The following RANBP17 variants were observed in gnomAD, a reference collection of about 807,000 sequenced individuals.
The protein encoded by RANBP17 is ran-binding protein 17.
In RANBP17, 158 loss-of-function variants were observed where a neutral mutation model predicts 141.2. That is an observed-to-expected ratio of 1.12 (90% CI 0.98 to 1.28). RANBP17 has a LOEUF of 1.28. Among genes scored for constraint, RANBP17 ranks in the 50% most tolerant of loss-of-function variants. The pLI, the probability that RANBP17 is intolerant of heterozygous loss-of-function variation, is 0.00. For missense variants in RANBP17, 1,438 were observed against 1,290.7 expected (o/e 1.11, Z -1.75); for synonymous variants, 430 against 450.0 (o/e 0.96, Z 0.56).
chr5:171,266,409 ATGTT>A (rs1227213381), intron 25 of RANBP17, among the ~76,000 whole-genome samples: 13 of 152,204 alleles, frequency 8.5e-5, no homozygotes, highest in African/African-American at 2.9e-4. Context: ...TTTCTAGTGT[ATGTT>A]CTAACTAGCT....
At chr5:171,134,534 A>G (rs1757140079) in intron 14 of RANBP17, among the ~76,000 whole-genome samples, 1 of 152,224 alleles carries the variant, frequency 6.6e-6, no homozygotes, top group African/African-American at 2.4e-5. Flanking sequence ...AAAAGTAGAA[A>G]GCCCTAAGTT....
chr5:170,918,039 CTG>C (rs1169371797), intron 9 of RANBP17: 1 of 152,078 alleles, frequency 6.6e-6, no homozygotes, highest in Non-Finnish European at 1.5e-5. Context: ...CATACTAAAA[CTG>C]TTTTCAAGGA....
chr5:170,950,258 A>AT (rs1775099649), intron 12 of RANBP17, among the ~76,000 whole-genome samples: 2 of 152,288 alleles, frequency 1.3e-5, no homozygotes, highest in South Asian at 4.1e-4. Context: ...TAAGCTAAAA[A>AT]GCCCCTTCAC....
At chr5:171,277,252 T>C (rs1767546395) in intron 25 of RANBP17, among the ~76,000 whole-genome samples, 1 of 152,026 alleles carries the variant, frequency 6.6e-6, no homozygotes, top group Non-Finnish European at 1.5e-5. Context: ...ATTGTTTTTA[T>C]GACATAAGAA....
intron 9 of RANBP17, 24 bp downstream of exon 9, chr5:170,916,608 T>C: frequency 6.8e-7 from 1 of 1,462,756 alleles, no homozygotes; most frequent in Non-Finnish European, 9.3e-7. Context: ...AATTTAATAC[T>C]TAGCATATAG....
chr5:170,882,722 T>G (rs933465646), intron 3 of RANBP17, among the ~76,000 whole-genome samples: 1 of 152,236 alleles, frequency 6.6e-6, no homozygotes, highest in African/African-American at 2.4e-5. Context: ...TAAAAGCAGG[T>G]TCTTATTAGG....
chr5:171,102,768 G>A (rs912791144), intron 14 of RANBP17, among the ~76,000 whole-genome samples: 3 of 151,944 alleles, frequency 2.0e-5, no homozygotes, highest in Admixed American at 6.6e-5. Context: ...GGTGACCTTC[G>A]GATGGAGTTT....
intron 5 of RANBP17, among the ~76,000 whole-genome samples, chr5:170,908,860 G>T (rs932550420): frequency 6.6e-6 from 1 of 151,772 alleles, no homozygotes; most frequent in African/African-American, 2.4e-5. Flanking sequence ...GCTTCTTTCA[G>T]ATCTATAAAC....
At chr5:171,291,237 G>A (rs1402849508) in intron 25 of RANBP17, among the ~76,000 whole-genome samples, 1 of 152,196 alleles carries the variant, frequency 6.6e-6, no homozygotes, top group Admixed American at 6.5e-5. Flanking sequence ...CTCAGAAATG[G>A]GCCCTTTCCT....
At chr5:171,132,152 A>T (rs1208220731) in intron 14 of RANBP17, among the ~76,000 whole-genome samples, 2 of 152,144 alleles carry the variant, frequency 1.3e-5, no homozygotes, top group Non-Finnish European at 1.5e-5. Flanking sequence ...GTTACAACTA[A>T]AGTTTTTATA....
At chr5:171,060,713 G>A (rs1270477382) in intron 14 of RANBP17, among the ~76,000 whole-genome samples, 2 of 151,986 alleles carry the variant, frequency 1.3e-5, no homozygotes, top group African/African-American at 4.8e-5. Flanking sequence ...TTTTTCTATT[G>A]ATTGGAATAG....
chr5:171,138,539 CAAAA>C (rs532709660), intron 14 of RANBP17, among the ~76,000 whole-genome samples: 3 of 97,994 alleles, frequency 3.1e-5, no homozygotes, highest in African/African-American at 3.5e-5. Context: ...TTCCCTACTG[CAAAA>C]AAAAAAAAAA....
At chr5:171,230,933 G>GGTTTT (rs1561784381) in intron 22 of RANBP17, among the ~76,000 whole-genome samples, 2 of 151,370 alleles carry the variant, frequency 1.3e-5, no homozygotes, top group African/African-American at 2.4e-5. Flanking sequence ...GGCTTTTTTT[G>GGTTTT]GTTTTGTTTT....
chr5:171,102,543 T>C (rs1199925386), intron 14 of RANBP17, among the ~76,000 whole-genome samples: 1 of 152,126 alleles, frequency 6.6e-6, no homozygotes, highest in Non-Finnish European at 1.5e-5. Context: ...TAGAACATGC[T>C]TCTTGAGCTC....
rs146276186 is a variant in RANBP17, at chr5:171,191,856, A to C, written c.2039-7814A>C. Among the ~76,000 whole-genome samples the C allele has an allele frequency of 5.6e-3, 857 of 152,064 alleles. 11 individuals are homozygous for C. The highest frequency in any genetic ancestry group is 0.016 in the African/African-American group (650 of 41,482). On this transcript the variant is annotated intron_variant, in intron 18 of 27. Coordinates refer to ENST00000523189, the MANE Select transcript of RANBP17 (RefSeq NM_022897.5). ...TGGAGAAATACAACTTTTTTCCTTC[A>C]TTTTTATTTGAACTATTTGGTCCAA...
chr5:171,248,228 G>A (rs374367684), intron 24 of RANBP17, among the ~76,000 whole-genome samples: 36 of 152,030 alleles, frequency 2.4e-4, no homozygotes, highest in African/African-American at 8.2e-4. Context: ...TTAGCTGGGC[G>A]TGGTGGCGGG....
At chr5:170,947,763 G>T (rs1347453809) in intron 12 of RANBP17, among the ~76,000 whole-genome samples, 1 of 152,018 alleles carries the variant, frequency 6.6e-6, no homozygotes, top group Non-Finnish European at 1.5e-5. Flanking sequence ...TCTCCAGATG[G>T]CTAGTTCGGG....
At chr5:171,155,624 C>G (rs1758845978) in intron 14 of RANBP17, among the ~76,000 whole-genome samples, 1 of 152,042 alleles carries the variant, frequency 6.6e-6, no homozygotes, top group Non-Finnish European at 1.5e-5. Context: ...AATTCCTAAT[C>G]AAACTGATTT....
chr5:171,298,814 A>G lies in RANBP17; in HGVS notation c.3223A>G (p.Ser1075Gly). The G allele has an allele frequency of 6.2e-7, 1 of 1,614,234 alleles. No homozygotes were observed. The highest frequency in any genetic ancestry group is 8.5e-7 in the Non-Finnish European group (1 of 1,180,036). The change falls in exon 28 of 28, where the codon AGT becomes GGT. Residue 1075 changes from serine (S) to glycine (G), a missense_variant. Transcript: ENST00000523189. ...FRRDVAEALR[S>G]DGNTEPCSLD... is the part of the protein sequence containing the mutation. ...AAGAGATGTGGCAGAGGCGTTGCGCAGTGATGGCAACACTGAACCATGCAG... is the reference window on the plus strand; with the variant it reads ...AAGAGATGTGGCAGAGGCGTTGCGCGGTGATGGCAACACTGAACCATGCAG...
Sources: gnomAD v4.1 joint callset for allele counts (sites outside exome capture counted in the v4.1 genomes callset) on GRCh38, gnomAD v4.1.1 for gene constraint, MANE v1.5 for transcripts, NCBI Gene and HGNC (gene_info 2026-07-23, HGNC 2026-07-21) for gene names.